SENP7: variants seen among roughly 807,000 people sequenced by gnomAD.
SENP7 encodes sentrin-specific protease 7.
A neutral mutation model predicts 141.2 loss-of-function variants in SENP7; 64 were observed. That is an observed-to-expected ratio of 0.45 (90% confidence interval 0.37 to 0.56). SENP7 has a LOEUF of 0.56. SENP7 is among the 20% of genes least tolerant of loss of function. SENP7 has a pLI of 0.00. For synonymous variants in SENP7, 382 were observed against 426.4 expected (o/e 0.90, Z 1.28); for missense variants, 1,025 against 1,212.2 (o/e 0.85, Z 2.29).
chr3:101,408,997 A>G (rs758326370), intron 5 of SENP7, among the ~76,000 whole-genome samples: 1 of 152,096 alleles, frequency 6.6e-6, no homozygotes, highest in African/African-American at 2.4e-5. Flanking sequence ...AGCTGTCCCT[A>G]TTTGCTGACG....
rs760510010 is a variant in SENP7 at position 101,332,045 on chromosome 3, G to GA, written c.2637dup (p.Pro880SerfsTer16). On this transcript the variant is annotated frameshift_variant, in exon 19 of 24. Coordinates refer to ENST00000394095, the MANE Select transcript of SENP7 (RefSeq NM_020654.5). LOFTEE classifies it high-confidence loss of function. ...TGGGACTGCTGGGATACAGTTTGTG[G>GA]AAAATCTTCATACACAGCTTCTTCT... 6.2e-7 allele frequency: 1 copy of GA among 1,613,436 alleles called. No homozygotes were observed. Among genetic ancestry groups the GA allele is most frequent in the Non-Finnish European group, 8.5e-7 (1 of 1,179,638 alleles).
At chr3:101,348,380 ACT>A (rs1289920614) in intron 12 of SENP7, among the ~76,000 whole-genome samples, 1 of 152,068 alleles carries the variant, frequency 6.6e-6, no homozygotes, top group African/African-American at 2.4e-5. Flanking sequence ...TAGCATAAAA[ACT>A]CTGTCTGGAG....
At chr3:101,512,966 C>T in intron 1 of SENP7, 125 bp downstream of exon 1, 2 of 1,074,650 alleles carry the variant, frequency 1.9e-6, no homozygotes, top group Admixed American at 1.7e-5. Context: ...TGTGCGCGCC[C>T]CTTCCTCTCC....
chr3:101,471,400 G>A (rs988633012), intron 3 of SENP7, among the ~76,000 whole-genome samples: 14 of 152,190 alleles, frequency 9.2e-5, no homozygotes, highest in Non-Finnish European at 1.8e-4. Context: ...AAGAAATGGG[G>A]AAAGGATTCC....
In SENP7 at chr3:101,338,664, T is replaced by G. The variant is rs75241392; in HGVS notation, c.2358-1033A>C. 8.5e-4 allele frequency among the ~76,000 whole-genome samples: 130 copies of G among 152,266 alleles called. No individual in the cohort carries two copies. The East Asian group carries it at 0.024, about 28-fold the overall frequency. On this transcript the variant is annotated intron_variant, in intron 16 of 23. Coordinates refer to ENST00000394095, the MANE Select transcript of SENP7 (RefSeq NM_020654.5). ...AGGAGAGTATTAAACACCGAATGTA[T>G]GTGAGGAAAGTACCCAGGGATAGGG...
At chr3:101,423,883 G>A (rs563034888) in intron 4 of SENP7, among the ~76,000 whole-genome samples, 1 of 152,166 alleles carries the variant, frequency 6.6e-6, no homozygotes, top group Non-Finnish European at 1.5e-5. Context: ...CAACCACCAC[G>A]GACACTTCAG....
At chr3:101,452,761 C>T (rs2063192129) in intron 4 of SENP7, among the ~76,000 whole-genome samples, 4 of 152,272 alleles carry the variant, frequency 2.6e-5, no homozygotes, top group African/African-American at 9.6e-5. Flanking sequence ...CCATAAAAAC[C>T]CTAGAAGAAA....
intron 6 of SENP7, among the ~76,000 whole-genome samples, chr3:101,375,818 A>G (rs1400826849): frequency 6.6e-6 from 1 of 152,228 alleles, no homozygotes; most frequent in Non-Finnish European, 1.5e-5. Context: ...GATAAGTGCT[A>G]CATGAATGAA....
chr3:101,356,894 T>G (rs1355024272), intron 11 of SENP7, among the ~76,000 whole-genome samples: 5 of 152,244 alleles, frequency 3.3e-5, no homozygotes, highest in African/African-American at 1.2e-4. Flanking sequence ...CCCTTTATAT[T>G]TGTAACGGTT....
chr3:101,340,164 G>A lies in SENP7; in HGVS notation c.2288C>T (p.Thr763Ile), dbSNP rs1337195373. Residue 763 changes from threonine to isoleucine, a missense_variant, in exon 16 of 24, where the codon ACT (threonine) becomes ATT (isoleucine). Coordinates refer to ENST00000394095, the MANE Select transcript of SENP7 (RefSeq NM_020654.5). ...TTCTAAACACTCCAGATCTTCATTA[G>A]TTACTCCTAATCCCCCCTTAGTAGG... ...PPPTKGGLGV[T>I]NEDLECLEEG... 6.2e-7 allele frequency: 1 copy of A among 1,600,948 alleles called. No homozygotes were observed. The highest frequency in any genetic ancestry group is 2.2e-5 in the East Asian group (1 of 44,478).
At chr3:101,507,341 C>T (rs891088020) in intron 1 of SENP7, among the ~76,000 whole-genome samples, 13 of 152,152 alleles carry the variant, frequency 8.5e-5, no homozygotes, top group Non-Finnish European at 1.9e-4. Context: ...ATTTACTTTT[C>T]AATCCTCTGC....
intron 10 of SENP7, among the ~76,000 whole-genome samples, chr3:101,364,173 G>C (rs2059974091): frequency 2.0e-5 from 3 of 151,822 alleles, no homozygotes. Flanking sequence ...GCTGCAGTGA[G>C]CCATGATCAT....
rs2058885638 is a variant in SENP7, at chr3:101,325,831, T to C, written c.*112A>G. The C allele has an allele frequency of 2.1e-6, 2 of 953,666 alleles. No individual in the cohort carries two copies. Among genetic ancestry groups the C allele is most frequent in the Admixed American group, 5.6e-5 (2 of 35,678 alleles). The allele number at this position is 953,666 out of a possible 1,614,324, so 59.1% of individuals were successfully genotyped here. ...TTTTAAATAATGTTCCAATGACTTATTATAAAACTACTGCAAGTTATTTTC... is the reference window on the plus strand; with the variant it reads ...TTTTAAATAATGTTCCAATGACTTACTATAAAACTACTGCAAGTTATTTTC... On this transcript the variant is annotated 3_prime_UTR_variant, in exon 24 of 24. Transcript: ENST00000394095.
At chr3:101,468,977 A>G (rs12630944) in intron 3 of SENP7, among the ~76,000 whole-genome samples, 60,436 of 151,968 alleles carry the variant, frequency 0.4, 12,537 homozygotes, top group Admixed American at 0.54. Context: ...CCCATCTCAC[A>G]TGCAAAGACG....
chr3:101,440,802 T>A (rs963199509), intron 4 of SENP7, among the ~76,000 whole-genome samples: 1 of 152,102 alleles, frequency 6.6e-6, no homozygotes, highest in East Asian at 1.9e-4. Flanking sequence ...ATTAAGAATA[T>A]TATAAATCAG....
intron 3 of SENP7, among the ~76,000 whole-genome samples, chr3:101,468,283 CTCAGGATAT>C (rs2063838522): frequency 6.6e-6 from 1 of 152,164 alleles, no homozygotes; most frequent in African/African-American, 2.4e-5. Context: ...GAAAACACTC[CTCAGGATAT>C]TATCCAGGAG....
chr3:101,456,208 C>T (rs148009916), intron 4 of SENP7, among the ~76,000 whole-genome samples: 1 of 152,026 alleles, frequency 6.6e-6, no homozygotes, highest in Admixed American at 6.5e-5. Flanking sequence ...TGATACAAAG[C>T]CCTCTAGATT....
intron 3 of SENP7, among the ~76,000 whole-genome samples, chr3:101,491,131 T>TA (rs1217942701): frequency 1.3e-5 from 2 of 151,506 alleles, no homozygotes; most frequent in Non-Finnish European, 2.9e-5. Flanking sequence ...TTATACTTTT[T>TA]TTTTTTTTTT....
intron 8 of SENP7, among the ~76,000 whole-genome samples, chr3:101,367,485 A>T (rs1439524507): frequency 6.6e-6 from 1 of 150,764 alleles, no homozygotes; most frequent in African/African-American, 2.4e-5. Context: ...CAGAGCAAGC[A>T]AAAAAAAATG....
Sources: allele counts gnomAD v4.1 joint callset (sites outside exome capture counted in the v4.1 genomes callset), GRCh38; gene constraint gnomAD v4.1.1; transcripts MANE v1.5; gene names NCBI Gene and HGNC (gene_info 2026-07-23, HGNC 2026-07-21).